LDLRAP1: variants seen among roughly 807,000 people sequenced by gnomAD.
LDLRAP1 encodes the protein low density lipoprotein receptor adapter protein 1.
LDLRAP1 carries 30 observed loss-of-function variants against 37.8 expected under a neutral mutation model. The ratio of observed to expected loss-of-function variants is 0.79; its 90% CI spans 0.59 to 1.08. The LOEUF (loss-of-function observed/expected upper bound fraction) is 1.08. Ranked by LOEUF, LDLRAP1 falls within the 50% of genes least tolerant of loss-of-function variation. The pLI is 0.00. For missense variants in LDLRAP1, 375 were observed against 401.6 expected (o/e 0.93, Z 0.57); for synonymous variants, 156 against 169.8 (o/e 0.92, Z 0.63).
At chr1:25,565,026 G>A in intron 7 of LDLRAP1, 147 bp from the exon 8 acceptor site, 1 of 807,252 alleles carries the variant, frequency 1.2e-6, no homozygotes, top group Non-Finnish European at 2.2e-6. Context: ...ACCCAGGCAG[G>A]AGGCCTGCCT....
chr1:25,560,345 G>GTCATGA (rs1180899348), intron 4 of LDLRAP1, among the ~76,000 whole-genome samples: 27 of 152,092 alleles, frequency 1.8e-4, no homozygotes, highest in Admixed American at 3.9e-4. Context: ...TTGAGGTTGG[G>GTCATGA]GGAGAAAGGC....
At chr1:25,585,567 C>T in the LDLRAP1 span, among the ~76,000 whole-genome samples, 15 of 152,292 alleles carry the variant, frequency 9.8e-5, no homozygotes, top group Non-Finnish European at 1.8e-4. Flanking sequence ...CCTTGTGATC[C>T]GCCCGCCTCG....
In LDLRAP1 at chr1:25,544,968, C is replaced by G. The variant is rs1377014419; in HGVS notation, c.88+1182C>G. Among the ~76,000 whole-genome samples the G allele has an allele frequency of 6.6e-6, 1 of 152,242 alleles. No homozygotes were observed. Among genetic ancestry groups the G allele is most frequent in the Non-Finnish European group, 1.5e-5 (1 of 68,042 alleles). ...GGCCCGCCTCCCTCCTCCTCTGGCC[C>G]CACTCTGTTGTTCAGCTGTGGCCGC... On this transcript the variant is annotated intron_variant, in intron 1 of 8. Coordinates refer to ENST00000374338, the MANE Select transcript of LDLRAP1 (RefSeq NM_015627.3). The surrounding 1 kb of genome is among the most constrained non-coding windows in gnomAD (Gnocchi z 4.8).
chr1:25,582,583 CAAA>C, the LDLRAP1 span, among the ~76,000 whole-genome samples: 13 of 125,082 alleles, frequency 1.0e-4, no homozygotes, highest in African/African-American at 3.3e-4. Flanking sequence ...GACCCCATCT[CAAA>C]AAAAAAAAAA....
At chr1:25,570,462 G>T (rs2044589049), downstream of LDLRAP1, among the ~76,000 whole-genome samples, 1 of 152,162 alleles carries the variant, frequency 6.6e-6, no homozygotes, top group Non-Finnish European at 1.5e-5. Flanking sequence ...AACAAGCCTG[G>T]CTAGGGAATA....
the LDLRAP1 span, among the ~76,000 whole-genome samples, chr1:25,573,900 A>G: frequency 6.6e-6 from 1 of 152,224 alleles, no homozygotes; most frequent in African/African-American, 2.4e-5. Flanking sequence ...GGAACATGGC[A>G]GCAAACAAAA....
chr1:25,551,983 T>A (rs552500495), intron 1 of LDLRAP1, among the ~76,000 whole-genome samples: 2 of 152,188 alleles, frequency 1.3e-5, no homozygotes, highest in South Asian at 4.2e-4. Flanking sequence ...TGTATAACCC[T>A]CCCCAGCCCT....
At chr1:25,550,711 GGCTTCAGT>G (rs1490867056) in intron 1 of LDLRAP1, among the ~76,000 whole-genome samples, 1 of 152,132 alleles carries the variant, frequency 6.6e-6, no homozygotes, top group African/African-American at 2.4e-5. Flanking sequence ...TCCCTGTCTG[GGCTTCAGT>G]TGTATCATCA....
Position 25,566,893 on chromosome 1 carries a change from GAC to G in LDLRAP1, c.830_831del (p.Thr277SerfsTer19). ...ACCCTCAGGTCCTGGACACTGGCCTGACAGCCCAGGACATGCATTACGCCCAG... is the reference window on the plus strand; with the variant it reads ...ACCCTCAGGTCCTGGACACTGGCCTGAGCCCAGGACATGCATTACGCCCAG... ...TNPQVLDTGL[T>X]AQDMHYAQCL... is the part of the protein sequence containing the mutation. On this transcript the variant is annotated frameshift_variant, in exon 9 of 9. Coordinates refer to ENST00000374338, the MANE Select transcript of LDLRAP1 (RefSeq NM_015627.3). LOFTEE classifies it high-confidence loss of function. 1 of 1,613,040 alleles carries G rather than the reference GAC, an allele frequency of 6.2e-7. No individual in the cohort carries two copies. Among genetic ancestry groups the G allele is most frequent in the Non-Finnish European group, 8.5e-7 (1 of 1,179,748 alleles).
chr1:25,543,634 C>T lies in LDLRAP1; in HGVS notation c.-65C>T, dbSNP rs540726468. ...GCGCGCAGCCCGCGCGCCGCAGGGC[C>T]GGGCGGAAAGTTTTTCCTGACGGAG... is the stretch of plus-strand genomic sequence containing the variant. On this transcript the variant is annotated 5_prime_UTR_variant, in exon 1 of 9. Transcript: ENST00000374338. 1 of 1,128,340 alleles carries T rather than the reference C, an allele frequency of 8.9e-7. No individual in the cohort carries two copies. Among genetic ancestry groups the T allele is most frequent in the Admixed American group, 4.5e-5 (1 of 22,440 alleles). The allele number at this position is 1,128,340 out of a possible 1,614,324, so 69.9% of individuals were successfully genotyped here. A position where few individuals can be genotyped will look rare whatever the true frequency, so the allele number is the denominator to read the frequency against.
intron 1 of LDLRAP1, among the ~76,000 whole-genome samples, chr1:25,546,124 C>CA (rs1302488337): frequency 1.3e-5 from 2 of 152,186 alleles, no homozygotes; most frequent in Non-Finnish European, 2.9e-5. Context: ...GCAGTGGCCA[C>CA]AGGTTAGAGC....
In LDLRAP1 at chr1:25,543,644, GT is replaced by G; in HGVS notation, c.-50del. On this transcript the variant is annotated 5_prime_UTR_variant, in exon 1 of 9. Coordinates refer to ENST00000374338, the MANE Select transcript of LDLRAP1 (RefSeq NM_015627.3). ...CGCGCGCCGCAGGGCCGGGCGGAAA[GT>G]TTTTCCTGACGGAGTTTTGGCTGCG... is the stretch of plus-strand genomic sequence containing the variant. 2 of 1,175,994 alleles carry G rather than the reference GT, an allele frequency of 1.7e-6. No individual in the cohort carries two copies. Among genetic ancestry groups the G allele is most frequent in the East Asian group, 3.4e-5 (1 of 29,182 alleles). The allele number at this position is 1,175,994 out of a possible 1,614,324, so 72.8% of individuals were successfully genotyped here. A position where few individuals can be genotyped will look rare whatever the true frequency, so the allele number is the denominator to read the frequency against.
At chr1:25,566,156 G>A (rs1028408169) in intron 8 of LDLRAP1, among the ~76,000 whole-genome samples, 1 of 152,152 alleles carries the variant, frequency 6.6e-6, no homozygotes, top group African/African-American at 2.4e-5. Flanking sequence ...AATCAGCAAA[G>A]CATTAAACAG....
chr1:25,576,229 A>G, the LDLRAP1 span, among the ~76,000 whole-genome samples: 1 of 149,858 alleles, frequency 6.7e-6, no homozygotes, highest in Non-Finnish European at 1.5e-5. Context: ...GAGACTCCTC[A>G]AAAAAAACAA....
downstream of LDLRAP1, among the ~76,000 whole-genome samples, chr1:25,572,759 G>C (rs919977299): frequency 6.6e-5 from 10 of 152,168 alleles, no homozygotes; most frequent in African/African-American, 2.4e-4. Context: ...TGCTTGCAGG[G>C]AACTGGATGT....
chr1:25,553,748 G>A (rs1326609558), intron 1 of LDLRAP1, 174 bp from the exon 2 acceptor site: 2 of 728,928 alleles, frequency 2.7e-6, no homozygotes, highest in Admixed American at 2.8e-5. Context: ...TCCAGCCTGA[G>A]TGACAGAGTG....
In LDLRAP1 at chr1:25,554,865, G is replaced by C. The variant is rs1167316468; in HGVS notation, c.237G>C (p.Lys79Asn). The C allele has an allele frequency of 1.2e-6, 2 of 1,613,578 alleles. No homozygotes were observed. Among genetic ancestry groups the C allele is most frequent in the South Asian group, 2.2e-5 (2 of 91,014 alleles). Residue 79 changes from lysine to asparagine, a missense_variant, in exon 3 of 9, where the codon AAG becomes AAC. By Grantham distance (94) the Lys-to-Asn change is moderately conservative. Coordinates refer to ENST00000374338, the MANE Select transcript of LDLRAP1 (RefSeq NM_015627.3). This position sits in a 1 kb window ranked among gnomAD's most constrained non-coding sequence, Gnocchi z 5.4. ...GACTCCTGTCTGCTCCCAAGGCTAA[G>C]GCCAGTGGGAAGAAGCTGCAGAAGG... ...AAIKRIVATAKASGKKLQKVT... is the reference protein window; with the variant it reads ...AAIKRIVATANASGKKLQKVT...
At chr1:25,571,305 G>A (rs1205295921), downstream of LDLRAP1, among the ~76,000 whole-genome samples, 3 of 152,196 alleles carry the variant, frequency 2.0e-5, no homozygotes, top group Admixed American at 2.0e-4. Flanking sequence ...CTCTGGACAT[G>A]CCTAGTTTAG....
Position 25,555,845 on chromosome 1 carries a change from C to T in LDLRAP1, c.344+873C>T, listed in dbSNP as rs1163685043. ...GTCTGTGCCAGATGAGGACTCCAAT[C>T]CTGCTCATTGCCCTCAAGGAGCTTC... On this transcript the variant is annotated intron_variant, in intron 3 of 8. Coordinates refer to ENST00000374338, the MANE Select transcript of LDLRAP1 (RefSeq NM_015627.3). The surrounding 1 kb of genome is among the most constrained non-coding windows in gnomAD (Gnocchi z 4.7). Among the ~76,000 whole-genome samples the T allele has an allele frequency of 6.6e-6, 1 of 152,188 alleles. No homozygotes were observed. Among genetic ancestry groups the T allele is most frequent in the East Asian group, 1.9e-4 (1 of 5,192 alleles).
Sources: allele counts gnomAD v4.1 joint callset (sites outside exome capture counted in the v4.1 genomes callset), GRCh38; gene constraint gnomAD v4.1.1; non-coding constraint Gnocchi (gnomAD v3.1); transcripts MANE v1.5; gene names NCBI Gene and HGNC (gene_info 2026-07-23, HGNC 2026-07-21).